The following PAX5 variants were observed in gnomAD, a reference collection of about 807,000 sequenced individuals.
The protein encoded by PAX5 is paired box 5.
A neutral mutation model predicts 43.7 loss-of-function variants in PAX5; 9 were observed. The observed-to-expected ratio is 0.21, with a 90% CI of 0.12 to 0.36. PAX5 has a LOEUF of 0.36. Ranked by LOEUF, PAX5 falls within the 10% of genes least tolerant of loss-of-function variation. The pLI, the probability that PAX5 is intolerant of heterozygous loss-of-function variation, is 1.00. For missense variants in PAX5, 383 were observed against 532.7 expected, an observed-to-expected ratio of 0.72 and a Z score of 2.77; for synonymous variants, 228 against 214.3, an observed-to-expected ratio of 1.06 and a Z score of -0.56.
intron 8 of PAX5, among the ~76,000 whole-genome samples, chr9:36,854,580 T>C (rs1230910047): frequency 1.3e-5 from 2 of 152,162 alleles, no homozygotes; most frequent in Non-Finnish European, 2.9e-5. Flanking sequence ...TCCAAGGGCT[T>C]TCAGCTCTCA....
chr9:36,934,166 G>C (rs888113446), intron 6 of PAX5, among the ~76,000 whole-genome samples: 3 of 152,234 alleles, frequency 2.0e-5, no homozygotes, highest in African/African-American at 7.2e-5. Flanking sequence ...GGCCAAGTCT[G>C]TGCTGTGTGA....
intron 1 of PAX5, among the ~76,000 whole-genome samples, chr9:37,025,972 A>T (rs1840313929): frequency 6.6e-6 from 1 of 152,226 alleles, no homozygotes; most frequent in East Asian, 1.9e-4. Flanking sequence ...AGAAACCGCT[A>T]CTTCCTTGAT....
intron 8 of PAX5, among the ~76,000 whole-genome samples, chr9:36,853,538 C>G (rs1823361999): frequency 6.6e-6 from 1 of 152,178 alleles, no homozygotes; most frequent in Non-Finnish European, 1.5e-5. Flanking sequence ...TTCAAAGTTT[C>G]TCCAAAGCCA....
At chr9:36,886,172 C>T (rs144634626) in intron 7 of PAX5, among the ~76,000 whole-genome samples, 106 of 152,284 alleles carry the variant, frequency 7.0e-4, no homozygotes, top group Middle Eastern at 3.4e-3. Flanking sequence ...AATCCCCAGC[C>T]GACCCCAAGT....
chr9:36,896,038 G>A (rs777292892), intron 7 of PAX5, among the ~76,000 whole-genome samples: 5 of 152,144 alleles, frequency 3.3e-5, no homozygotes, highest in African/African-American at 7.2e-5. Context: ...GTCCTCACCT[G>A]TGCACCTGAT....
rs114498541 is a variant in PAX5, at chr9:36,836,474, T to C, written c.*4086A>G. Reference sequence around the variant, plus strand: ...GGCTCACAGGCTGGTGCCCAGTGGGTCAAGTTTGGCCCATGGACATTTTTC... The same window carrying C: ...GGCTCACAGGCTGGTGCCCAGTGGGCCAAGTTTGGCCCATGGACATTTTTC... On this transcript the variant is annotated 3_prime_UTR_variant, in exon 10 of 10. Coordinates refer to ENST00000358127, the MANE Select transcript of PAX5 (RefSeq NM_016734.3). 6.3e-3 allele frequency: 1,478 copies of C among 233,138 alleles called. 25 individuals carry two copies. The highest frequency in any genetic ancestry group is 0.029 in the African/African-American group (1,298 of 45,420). 14.4% of individuals were successfully genotyped at this position (233,138 alleles called of 1,614,324 possible). A position where few individuals can be genotyped will look rare whatever the true frequency, so the allele number is the denominator to read the frequency against.
intron 6 of PAX5, among the ~76,000 whole-genome samples, chr9:36,933,742 T>C: frequency 6.6e-6 from 1 of 152,246 alleles, no homozygotes; most frequent in Non-Finnish European, 1.5e-5. Flanking sequence ...AAATTCCACC[T>C]GGCAAAGTGT....
At chr9:36,848,034 G>A (rs528749444) in intron 8 of PAX5, among the ~76,000 whole-genome samples, 1 of 152,178 alleles carries the variant, frequency 6.6e-6, no homozygotes, top group Non-Finnish European at 1.5e-5. Flanking sequence ...GCTGGGTACA[G>A]AGCATGGGAG....
intron 5 of PAX5, among the ~76,000 whole-genome samples, chr9:36,997,354 G>A (rs551144907): frequency 2.6e-5 from 4 of 152,294 alleles, no homozygotes; most frequent in South Asian, 2.1e-4. Context: ...AAAGGGATTC[G>A]CACTCCGCTG....
intron 6 of PAX5, among the ~76,000 whole-genome samples, chr9:36,946,336 G>A (rs563839532): frequency 2.8e-4 from 43 of 152,310 alleles, no homozygotes; most frequent in African/African-American, 1.0e-3. Context: ...TGGACAGCTC[G>A]AATTTGTAAA....
chr9:36,922,380 G>T (rs1323464549), intron 7 of PAX5, among the ~76,000 whole-genome samples: 1 of 152,166 alleles, frequency 6.6e-6, no homozygotes, highest in African/African-American at 2.4e-5. Context: ...AGTGTGGCCC[G>T]CCAGCCCCTT....
At position 36,834,271 on chromosome 9, in the gene PAX5, G is replaced by A. The variant is rs1021763642; in HGVS notation, c.*6289C>T. The stretch of plus-strand genomic sequence containing the variant: ...GTGCTTGGGGCCAGGGGATGGGCCT[G>A]CCTCTTCCTGAGCCCCGGGACAGGC... On this transcript the variant is annotated 3_prime_UTR_variant, in exon 10 of 10. Coordinates refer to ENST00000358127, the MANE Select transcript of PAX5 (RefSeq NM_016734.3). The A allele has an allele frequency of 4.3e-6, 1 of 233,360 alleles. No homozygotes were observed. The highest frequency in any genetic ancestry group is 8.5e-6 in the Non-Finnish European group (1 of 118,094). The allele number at this position is 233,360 out of a possible 1,614,324, so 14.5% of individuals were successfully genotyped here.
intron 8 of PAX5, among the ~76,000 whole-genome samples, chr9:36,870,031 GATAAATGGATGGATGGATGGATGGATAA>G (rs1825327837): frequency 7.2e-5 from 2 of 27,842 alleles, no homozygotes; most frequent in Admixed American, 7.1e-4. Flanking sequence ...TGGATGGATG[GATAAATGGATGGATGGATGGATGGATAA>G]ATGGATGGAT....
intron 8 of PAX5, among the ~76,000 whole-genome samples, chr9:36,881,433 T>G (rs1455766396): frequency 6.6e-6 from 1 of 152,110 alleles, no homozygotes; most frequent in African/African-American, 2.4e-5. Flanking sequence ...TAAGGAGACA[T>G]GGCAGCCTCC....
chr9:37,020,994 G>A (rs920052026), intron 1 of PAX5, among the ~76,000 whole-genome samples, 193 bp from the exon 2 acceptor site: 2 of 152,090 alleles, frequency 1.3e-5, no homozygotes, highest in African/African-American at 4.8e-5. Context: ...CTTAGCCTTG[G>A]TCCATCTGCA....
chr9:36,965,560 C>T (rs765823967), intron 6 of PAX5, among the ~76,000 whole-genome samples: 1 of 152,208 alleles, frequency 6.6e-6, no homozygotes, highest in Admixed American at 6.5e-5. Flanking sequence ...TCCAGCACCT[C>T]GCCTCTCCAT....
intron 2 of PAX5, among the ~76,000 whole-genome samples, chr9:37,019,086 G>C (rs1839639248): frequency 6.6e-6 from 1 of 152,104 alleles, no homozygotes; most frequent in South Asian, 2.1e-4. Flanking sequence ...GAGCCTTTTG[G>C]TTCTAGAAGT....
chr9:36,871,922 G>T (rs911090700), intron 8 of PAX5, among the ~76,000 whole-genome samples: 1 of 152,340 alleles, frequency 6.6e-6, no homozygotes, highest in South Asian at 2.1e-4. Context: ...TTGCAATGGG[G>T]TTGTGAGAAA....
chr9:37,016,119 A>G (rs978491243), intron 2 of PAX5, among the ~76,000 whole-genome samples: 1 of 152,232 alleles, frequency 6.6e-6, no homozygotes, highest in Non-Finnish European at 1.5e-5. Context: ...CAGTTTTCCT[A>G]GGGTCACACA....
Sources: gnomAD v4.1 joint callset for allele counts (sites outside exome capture counted in the v4.1 genomes callset) on GRCh38, gnomAD v4.1.1 for gene constraint, MANE v1.5 for transcripts, NCBI Gene and HGNC (gene_info 2026-07-23, HGNC 2026-07-21) for gene names.